PLCH2: variants seen among roughly 807,000 people sequenced by gnomAD.
PLCH2 encodes phospholipase C eta 2.
Under a neutral mutation model 134.7 loss-of-function variants are expected in PLCH2, and 98 were observed. That is an observed-to-expected ratio of 0.73 (90% CI 0.62 to 0.86). The LOEUF (loss-of-function observed/expected upper bound fraction) is 0.86. PLCH2 is among the 40% of genes least tolerant of loss of function. The pLI is 0.00. For synonymous variants in PLCH2, 974 were observed against 827.5 expected (o/e 1.18, Z -3.04); for missense variants, 1,994 against 1,986.6 (o/e 1.00, Z -0.07).
At chr1:2,469,685 T>C (rs12095549) in intron 1 of PLCH2, among the ~76,000 whole-genome samples, 2,216 of 152,272 alleles carry the variant, frequency 0.015, 49 homozygotes, top group African/African-American at 0.05. Flanking sequence ...TAATCCAACG[T>C]GCCTGTTTCT....
chr1:2,442,546 G>C (rs1639738688), intron 2 of PLCH2, among the ~76,000 whole-genome samples: 1 of 152,242 alleles, frequency 6.6e-6, no homozygotes, highest in Admixed American at 6.5e-5. Flanking sequence ...AGGGATGTGT[G>C]TGTCCTTAGT....
intron 5 of PLCH2, among the ~76,000 whole-genome samples, chr1:2,486,676 T>C (rs1642303311): frequency 6.6e-6 from 1 of 152,228 alleles, no homozygotes; most frequent in Non-Finnish European, 1.5e-5. Context: ...GTGGTCCAGC[T>C]GATGAGGTCA....
chr1:2,457,767 G>C (rs1640566034), intron 2 of PLCH2, among the ~76,000 whole-genome samples: 1 of 151,876 alleles, frequency 6.6e-6, no homozygotes, highest in Non-Finnish European at 1.5e-5. Flanking sequence ...GCCTCGTGTG[G>C]AACATGAACC....
chr1:2,464,267 C>T (rs1640955722), upstream of PLCH2, among the ~76,000 whole-genome samples: 1 of 152,224 alleles, frequency 6.6e-6, no homozygotes, highest in South Asian at 2.1e-4. Flanking sequence ...TCTGCCCTTA[C>T]TCTGGTCTTC....
chr1:2,502,514 T>C (rs1311446455), intron 21 of PLCH2, 105 bp downstream of exon 21: 12 of 1,171,574 alleles, frequency 1.0e-5, no homozygotes, highest in African/African-American at 1.5e-5. Flanking sequence ...ATGCATGAAG[T>C]GTGTGGTGGG....
At chr1:2,427,183 G>T (rs1308975176) in intron 1 of PLCH2, among the ~76,000 whole-genome samples, 2 of 152,210 alleles carry the variant, frequency 1.3e-5, no homozygotes, top group Non-Finnish European at 2.9e-5. Flanking sequence ...GGTGCCGGCG[G>T]CTAGGGGCCC....
chr1:2,473,904 C>T (rs901337663), upstream of PLCH2, among the ~76,000 whole-genome samples: 3 of 152,378 alleles, frequency 2.0e-5, no homozygotes, highest in Middle Eastern at 3.4e-3. Context: ...TGCTACAATC[C>T]CACCTGAGCT....
upstream of PLCH2, among the ~76,000 whole-genome samples, chr1:2,423,933 C>G (rs990537920): frequency 6.6e-6 from 1 of 152,156 alleles, no homozygotes; most frequent in African/African-American, 2.4e-5. Flanking sequence ...CCTTCTCCCC[C>G]TCCCTTCTTC....
At chr1:2,443,414 T>C (rs1334041466) in intron 2 of PLCH2, among the ~76,000 whole-genome samples, 1 of 152,106 alleles carries the variant, frequency 6.6e-6, no homozygotes, top group Non-Finnish European at 1.5e-5. Flanking sequence ...TTCCAGCGCC[T>C]GGGCAAACGC....
chr1:2,450,100 C>T (rs1555789), intron 2 of PLCH2, among the ~76,000 whole-genome samples: 41,520 of 152,190 alleles, frequency 0.27, 6,247 homozygotes, highest in East Asian at 0.47. Context: ...CAGCTGGGCC[C>T]GTCCCCTGAG....
intron 2 of PLCH2, among the ~76,000 whole-genome samples, chr1:2,459,410 T>TTTCC (rs1640666853): frequency 4.0e-5 from 4 of 99,472 alleles, no homozygotes; most frequent in African/African-American, 1.7e-4. Context: ...TTCTCCTTCC[T>TTTCC]GGTGGTCCTC....
chr1:2,460,171 C>T (rs917537220), intron 2 of PLCH2, among the ~76,000 whole-genome samples: 11 of 152,256 alleles, frequency 7.2e-5, no homozygotes, highest in Middle Eastern at 3.2e-3. Context: ...CCCTTCATGT[C>T]CCCAGGGGCC....
intron 4 of PLCH2, among the ~76,000 whole-genome samples, chr1:2,483,631 G>C (rs1025827197): frequency 6.6e-6 from 1 of 152,090 alleles, no homozygotes; most frequent in Non-Finnish European, 1.5e-5. Flanking sequence ...CAATCCTTAG[G>C]GCTCAAGGAT....
Position 2,489,220 on chromosome 1 carries a change from C to T in PLCH2, c.1249C>T (p.Leu417=). Residue 417 remains leucine, a synonymous_variant, in exon 9 of 22, where the codon CTG becomes TTG. Transcript: ENST00000378486. ...TTGGGGCCACAGGTACCCAGTGATCCTGTCCATCGAAAACCACTGCAGTGT... is the reference window on the plus strand; with the variant it reads ...TTGGGGCCACAGGTACCCAGTGATCTTGTCCATCGAAAACCACTGCAGTGT... The part of the protein sequence containing the change: ...AFIKNEYPVI[L]SIENHCSVIQ... The T allele has an allele frequency of 6.2e-7, 1 of 1,613,760 alleles. No individual in the cohort carries two copies. The highest frequency in any genetic ancestry group is 1.1e-5 in the South Asian group (1 of 91,070).
Position 2,498,584 on chromosome 1 carries a change from C to A in PLCH2, c.2286C>A (p.Leu762=). The A allele has an allele frequency of 6.2e-7, 1 of 1,602,752 alleles. No individual in the cohort carries two copies. The change falls in exon 17 of 22, where the codon CTC becomes CTA. Residue 762 remains leucine, a synonymous_variant. Transcript: ENST00000378486. The surrounding 1 kb of genome is among the most constrained non-coding windows in gnomAD (Gnocchi z 5.4). ...LPGQLKKQLV[L]RIISGQQLPK... Reference sequence around the variant, plus strand: ...GGCAGCTCAAGAAGCAGCTGGTGCTCCGGATCATCAGTGGCCAGCAGCTTC... The same window carrying A: ...GGCAGCTCAAGAAGCAGCTGGTGCTACGGATCATCAGTGGCCAGCAGCTTC...
chr1:2,498,446 T>G lies in PLCH2; in HGVS notation c.2225-77T>G. ...CCTATGTGGGGGCTGGGGAGGGGGCTGTTGGCAGCCATGCCCCAGCAAGCA... is the reference window on the plus strand; with the variant it reads ...CCTATGTGGGGGCTGGGGAGGGGGCGGTTGGCAGCCATGCCCCAGCAAGCA... On this transcript the variant is annotated intron_variant, in intron 16 of 21. Transcript: ENST00000378486. This position sits in a 1 kb window ranked among gnomAD's most constrained non-coding sequence, Gnocchi z 5.4. 1 of 1,511,406 alleles carries G rather than the reference T, an allele frequency of 6.6e-7. No homozygotes were observed. The highest frequency in any genetic ancestry group is 8.9e-7 in the Non-Finnish European group (1 of 1,117,664). 93.6% of individuals were successfully genotyped at this position (1,511,406 alleles called of 1,614,324 possible).
At chr1:2,455,377 G>A (rs1042755445) in intron 2 of PLCH2, among the ~76,000 whole-genome samples, 3 of 152,182 alleles carry the variant, frequency 2.0e-5, no homozygotes, top group Admixed American at 6.5e-5. Context: ...GGCCCCCTCT[G>A]CATCCCTCGG....
At chr1:2,499,834 A>G in intron 20 of PLCH2, 114 bp downstream of exon 20, 3 of 820,384 alleles carry the variant, frequency 3.7e-6, no homozygotes, top group Non-Finnish European at 6.1e-6. Context: ...AGTGAGGCCT[A>G]GGGTCCCCTC....
Position 2,504,705 on chromosome 1 carries a change from G to A in PLCH2, c.3743G>A (p.Cys1248Tyr). ...CTTTCCCTGGTGGGCGTGCAGGACTGCCCCGTGGCTGCCAAGTCCAAGAGC... is the reference window on the plus strand; with the variant it reads ...CTTTCCCTGGTGGGCGTGCAGGACTACCCCGTGGCTGCCAAGTCCAAGAGC... ...GCLSLVGVQD[C>Y]PVAAKSKSLG... The change falls in exon 22 of 22, where the codon TGC becomes TAC. Residue 1248 changes from cysteine (C) to tyrosine (Y), a missense_variant. Cys to Tyr is a radical substitution (Grantham distance 194, BLOSUM62 -2). Transcript: ENST00000378486. 6.2e-7 allele frequency: 1 copy of A among 1,612,542 alleles called. No homozygotes were observed. Among genetic ancestry groups the A allele is most frequent in the Non-Finnish European group, 8.5e-7 (1 of 1,179,798 alleles).
Sources: gnomAD v4.1 joint callset for allele counts (sites outside exome capture counted in the v4.1 genomes callset) on GRCh38, gnomAD v4.1.1 for gene constraint, Gnocchi (gnomAD v3.1) non-coding constraint, MANE v1.5 for transcripts, NCBI Gene and HGNC (gene_info 2026-07-23, HGNC 2026-07-21) for gene names.